Variants in EXOC4 observed in about 807,000 individuals in gnomAD.
EXOC4 encodes SEC8-like 1.
Under a neutral mutation model 107.2 loss-of-function variants are expected in EXOC4, and 71 were observed. The observed-to-expected ratio is 0.66, with a 90% CI of 0.55 to 0.81. The LOEUF (loss-of-function observed/expected upper bound fraction) is 0.81, where lower values mean the gene tolerates loss of function less well. Ranked by LOEUF, EXOC4 falls within the 30% of genes least tolerant of loss-of-function variation. The pLI is 0.00. For synonymous variants in EXOC4, 456 were observed against 441.2 expected, an observed-to-expected ratio of 1.03 and a Z score of -0.42; for missense variants, 1,108 against 1,189.6, an observed-to-expected ratio of 0.93 and a Z score of 1.01.
In EXOC4 at chr7:133,810,485, G is replaced by A. The variant is rs566900863; in HGVS notation, c.1515-6840G>A. ...CAAGAAAGTAAATTCAACAACACAG[G>A]TATTGCATATGTACATACATTTAGA... On this transcript the variant is annotated intron_variant, in intron 10 of 17. Coordinates refer to ENST00000253861, the MANE Select transcript of EXOC4 (RefSeq NM_021807.4). 9.9e-5 allele frequency among the ~76,000 whole-genome samples: 15 copies of A among 152,154 alleles called. No individual in the cohort carries two copies. In the South Asian group the frequency reaches 1.0e-3, roughly 11 times the overall value.
At chr7:133,925,310 G>C (rs1035434891) in intron 13 of EXOC4, among the ~76,000 whole-genome samples, 8 of 152,082 alleles carry the variant, frequency 5.3e-5, no homozygotes, top group South Asian at 2.1e-4. Flanking sequence ...GGAAAAATAG[G>C]TCACGCAAGG....
At chr7:133,529,557 C>T (rs902093461) in intron 9 of EXOC4, among the ~76,000 whole-genome samples, 2 of 151,972 alleles carry the variant, frequency 1.3e-5, no homozygotes, top group Non-Finnish European at 2.9e-5. Context: ...TAGATGGGGC[C>T]CTAAGCATCA....
intron 10 of EXOC4, among the ~76,000 whole-genome samples, chr7:133,647,776 A>C (rs1222276062): frequency 6.6e-6 from 1 of 152,136 alleles, no homozygotes; most frequent in African/African-American, 2.4e-5. Context: ...TCAAACAGAT[A>C]ATCCAGTTTG....
chr7:133,447,308 A>C (rs1798242134), intron 7 of EXOC4: 1 of 152,106 alleles, frequency 6.6e-6, no homozygotes, highest in African/African-American at 2.4e-5. Context: ...GGATATATAG[A>C]TCTTCTTACA....
At chr7:133,661,548 A>G (rs1301522116) in intron 10 of EXOC4, among the ~76,000 whole-genome samples, 1 of 151,990 alleles carries the variant, frequency 6.6e-6, no homozygotes, top group Non-Finnish European at 1.5e-5. Context: ...GTATATTTGT[A>G]AAATAAAAGA....
At chr7:133,723,204 A>G (rs1795138811) in intron 10 of EXOC4, among the ~76,000 whole-genome samples, 1 of 152,226 alleles carries the variant, frequency 6.6e-6, no homozygotes, top group Admixed American at 6.5e-5. Context: ...TACAAGGGGT[A>G]GAAAAGAGGG....
At chr7:133,969,809 A>G (rs1026837696) in intron 14 of EXOC4, among the ~76,000 whole-genome samples, 2 of 152,170 alleles carry the variant, frequency 1.3e-5, no homozygotes, top group Non-Finnish European at 1.5e-5. Context: ...GTCAGGAGAC[A>G]CGGGGGTCAG....
At chr7:133,941,219 G>A (rs1800420240) in intron 14 of EXOC4, among the ~76,000 whole-genome samples, 1 of 151,892 alleles carries the variant, frequency 6.6e-6, no homozygotes, top group East Asian at 1.9e-4. Flanking sequence ...GGCTGGTCTC[G>A]AACTCCTGAT....
At chr7:133,350,354 G>T (rs924657130) in intron 5 of EXOC4, among the ~76,000 whole-genome samples, 1 of 151,948 alleles carries the variant, frequency 6.6e-6, no homozygotes, top group Non-Finnish European at 1.5e-5. Flanking sequence ...TTTGTATATG[G>T]TGTTAGATAA....
At chr7:133,805,891 A>G (rs994644733) in intron 10 of EXOC4, among the ~76,000 whole-genome samples, 3 of 152,180 alleles carry the variant, frequency 2.0e-5, no homozygotes, top group African/African-American at 7.2e-5. Context: ...GCCTGGGAAA[A>G]AGTTTTGCCC....
intron 3 of EXOC4, among the ~76,000 whole-genome samples, chr7:133,294,594 A>G (rs1299886254): frequency 4.6e-5 from 7 of 152,108 alleles, no homozygotes; most frequent in Admixed American, 4.6e-4. Flanking sequence ...GGTTATTATG[A>G]TAATTATAAT....
chr7:134,082,480 C>T, the EXOC4 span, among the ~76,000 whole-genome samples: 4 of 152,038 alleles, frequency 2.6e-5, no homozygotes, highest in Non-Finnish European at 5.9e-5. Flanking sequence ...CTTGCTCTGT[C>T]GCCAGGCTGG....
intron 14 of EXOC4, among the ~76,000 whole-genome samples, chr7:133,964,773 A>T (rs1028781464): frequency 6.6e-6 from 1 of 152,182 alleles, no homozygotes; most frequent in Admixed American, 6.5e-5. Flanking sequence ...TATTGTGAAC[A>T]GTGCTGTCAT....
At chr7:133,995,520 G>A (rs902823921) in intron 14 of EXOC4, among the ~76,000 whole-genome samples, 1 of 152,222 alleles carries the variant, frequency 6.6e-6, no homozygotes, top group Non-Finnish European at 1.5e-5. Context: ...TGCAAAAGCA[G>A]TGATCTTGTC....
At chr7:133,842,836 C>A (rs1798049484) in intron 11 of EXOC4, among the ~76,000 whole-genome samples, 2 of 152,090 alleles carry the variant, frequency 1.3e-5, no homozygotes, top group African/African-American at 4.8e-5. Context: ...ACGAAGGGGT[C>A]CAGTTTCAAT....
chr7:133,849,975 A>G (rs1286809824), intron 11 of EXOC4, among the ~76,000 whole-genome samples: 1 of 152,204 alleles, frequency 6.6e-6, no homozygotes, highest in Non-Finnish European at 1.5e-5. Flanking sequence ...AATATCATCC[A>G]AGTAAGTGTA....
intron 10 of EXOC4, among the ~76,000 whole-genome samples, chr7:133,661,978 G>A (rs1246420981): frequency 2.0e-5 from 3 of 152,086 alleles, no homozygotes; most frequent in South Asian, 2.1e-4. Flanking sequence ...TGCTTAATAT[G>A]TGCCAATCTC....
At chr7:134,085,704 C>T in the EXOC4 span, among the ~76,000 whole-genome samples, 1 of 152,194 alleles carries the variant, frequency 6.6e-6, no homozygotes, top group Non-Finnish European at 1.5e-5. Flanking sequence ...CAGCTCATTG[C>T]TTGGGATCTG....
intron 12 of EXOC4, among the ~76,000 whole-genome samples, chr7:133,909,841 C>T (rs149305278): frequency 1.3e-5 from 2 of 150,604 alleles, no homozygotes; most frequent in Non-Finnish European, 2.9e-5. Flanking sequence ...TTATAAAGAT[C>T]TTAATGATAT....
Sources: gnomAD v4.1 joint callset for allele counts (sites outside exome capture counted in the v4.1 genomes callset) on GRCh38, gnomAD v4.1.1 for gene constraint, MANE v1.5 for transcripts, NCBI Gene and HGNC (gene_info 2026-07-23, HGNC 2026-07-21) for gene names.